Variants in ATF7IP observed in about 807,000 individuals in gnomAD.
ATF7IP encodes activating transcription factor 7 interacting protein.
Under a neutral mutation model 106.4 loss-of-function variants are expected in ATF7IP, and 23 were observed. The ratio of observed to expected loss-of-function variants is 0.22; its 90% CI spans 0.16 to 0.31. The LOEUF (loss-of-function observed/expected upper bound fraction) is 0.31. ATF7IP is among the 10% of genes least tolerant of loss of function. The probability of loss-of-function intolerance (pLI) is 1.00; values close to 1 mark genes in which losing one functional copy is unlikely to be tolerated. For synonymous variants in ATF7IP, 542 were observed against 539.0 expected (o/e 1.01, Z -0.08); for missense variants, 1,334 against 1,524.3 (o/e 0.88, Z 2.08).
chr12:14,485,013 G>A (rs576583359), intron 13 of ATF7IP, among the ~76,000 whole-genome samples: 1 of 152,178 alleles, frequency 6.6e-6, no homozygotes, highest in African/African-American at 2.4e-5. Flanking sequence ...GCAAAAGATG[G>A]CAGGGCCTTG....
intron 3 of ATF7IP, 51 bp from the exon 4 acceptor site, chr12:14,436,055 A>AG: frequency 1.9e-6 from 3 of 1,578,270 alleles, no homozygotes; most frequent in Non-Finnish European, 8.6e-7. Context: ...ATATGCATTA[A>AG]GAGCTATAAG....
intron 1 of ATF7IP, among the ~76,000 whole-genome samples, chr12:14,419,790 T>C (rs1228973189): frequency 6.6e-6 from 1 of 152,182 alleles, no homozygotes; most frequent in Non-Finnish European, 1.5e-5. Flanking sequence ...TTTGTATTAT[T>C]ATATATACAT....
chr12:14,446,422 A>C lies in ATF7IP; in HGVS notation c.1930-566A>C, dbSNP rs572828678. On this transcript the variant is annotated intron_variant, in intron 5 of 14. Coordinates refer to ENST00000261168, the MANE Select transcript of ATF7IP (RefSeq NM_018179.5). Reference sequence around the variant, plus strand: ...CTCGGCCTCCTAAAGTGCTGGAATTACAGGTGTGAGCCACCATGCCTAGCC... The same window carrying C: ...CTCGGCCTCCTAAAGTGCTGGAATTCCAGGTGTGAGCCACCATGCCTAGCC... 2.6e-5 allele frequency among the ~76,000 whole-genome samples: 4 copies of C among 152,362 alleles called. No homozygotes were observed. In the East Asian group the frequency reaches 7.7e-4, roughly 29 times the overall value.
intron 10 of ATF7IP, among the ~76,000 whole-genome samples, chr12:14,474,798 A>G (rs939564016): frequency 6.6e-6 from 1 of 152,104 alleles, no homozygotes; most frequent in South Asian, 2.1e-4. Flanking sequence ...TTTTCGTCCT[A>G]AGTTAGTTCC....
chr12:14,370,446 A>G (rs1938486538), intron 1 of ATF7IP, among the ~76,000 whole-genome samples: 1 of 152,178 alleles, frequency 6.6e-6, no homozygotes. Flanking sequence ...ATACCCACTC[A>G]CAATTCTATT....
intron 14 of ATF7IP, among the ~76,000 whole-genome samples, chr12:14,497,405 C>T (rs1945044288): frequency 6.6e-6 from 1 of 151,978 alleles, no homozygotes; most frequent in Admixed American, 6.6e-5. Flanking sequence ...TTTTTATTTC[C>T]TAAGAAAAAC....
At chr12:14,415,062 C>T (rs1941132462) in intron 1 of ATF7IP, among the ~76,000 whole-genome samples, 1 of 152,152 alleles carries the variant, frequency 6.6e-6, no homozygotes, top group African/African-American at 2.4e-5. Flanking sequence ...TGCCACTGCG[C>T]CCAGCTCTGG....
chr12:14,434,291 T>C (rs1298057187), intron 2 of ATF7IP, 46 bp from the exon 3 acceptor site: 13 of 1,152,742 alleles, frequency 1.1e-5, no homozygotes, highest in Non-Finnish European at 1.5e-5. Context: ...TGAGCTGTTA[T>C]GAATTCTAGT....
intron 1 of ATF7IP, among the ~76,000 whole-genome samples, chr12:14,390,065 G>T (rs1335892315): frequency 6.6e-6 from 1 of 152,178 alleles, no homozygotes; most frequent in Non-Finnish European, 1.5e-5. Context: ...TTCAGATAGG[G>T]CCTTCTCTTG....
intron 10 of ATF7IP, among the ~76,000 whole-genome samples, chr12:14,467,602 G>A (rs1943881720): frequency 6.6e-6 from 1 of 151,878 alleles, no homozygotes; most frequent in African/African-American, 2.4e-5. Context: ...TGATACTTAA[G>A]TGACATTTAT....
At chr12:14,409,534 C>A (rs962126264) in intron 1 of ATF7IP, among the ~76,000 whole-genome samples, 1 of 152,108 alleles carries the variant, frequency 6.6e-6, no homozygotes, top group Non-Finnish European at 1.5e-5. Context: ...CTGTGTCATG[C>A]TTAGTACTGC....
In ATF7IP at chr12:14,434,439, C is replaced by T; in HGVS notation, c.1645+16C>T. 7.9e-7 allele frequency: 1 copy of T among 1,260,192 alleles called. No individual in the cohort carries two copies. The highest frequency in any genetic ancestry group is 1.2e-6 in the Non-Finnish European group (1 of 868,100). The allele number at this position is 1,260,192 out of a possible 1,614,324, so 78.1% of individuals were successfully genotyped here. On this transcript the variant is annotated intron_variant, in intron 3 of 14. Coordinates refer to ENST00000261168, the MANE Select transcript of ATF7IP (RefSeq NM_018179.5). Reference sequence around the variant, plus strand: ...TCTGAGAAAAGTATGCATGTATAAACAAACTTGAACTGGATTGAAAAATAA... The same window carrying T: ...TCTGAGAAAAGTATGCATGTATAAATAAACTTGAACTGGATTGAAAAATAA...
At chr12:14,482,286 T>A (rs1944456319) in intron 13 of ATF7IP, 1 of 153,166 alleles carries the variant, frequency 6.5e-6, no homozygotes, top group African/African-American at 2.4e-5. Context: ...AGGACAGAAC[T>A]AACAGGATAA....
intron 11 of ATF7IP, among the ~76,000 whole-genome samples, chr12:14,477,349 TATG>T (rs1357640343): frequency 6.6e-6 from 1 of 152,236 alleles, no homozygotes; most frequent in Non-Finnish European, 1.5e-5. Flanking sequence ...CTCAAGCCAG[TATG>T]ATTATTCTTT....
intron 1 of ATF7IP, among the ~76,000 whole-genome samples, chr12:14,377,658 C>G (rs188136465): frequency 2.0e-5 from 3 of 151,434 alleles, no homozygotes. Context: ...CTGTCACCCA[C>G]GTTGGAGTGC....
intron 1 of ATF7IP, among the ~76,000 whole-genome samples, chr12:14,393,001 A>G (rs1210352325): frequency 6.6e-6 from 1 of 152,216 alleles, no homozygotes; most frequent in Non-Finnish European, 1.5e-5. Context: ...AGCTAGATCA[A>G]CAGTTGCCAT....
intron 1 of ATF7IP, among the ~76,000 whole-genome samples, chr12:14,372,831 G>C (rs1938584869): frequency 1.3e-5 from 2 of 152,062 alleles, no homozygotes; most frequent in African/African-American, 4.8e-5. Context: ...TTGATACCTA[G>C]AAATTATGTG....
chr12:14,379,692 A>G (rs937887526), intron 1 of ATF7IP, among the ~76,000 whole-genome samples: 2 of 152,198 alleles, frequency 1.3e-5, no homozygotes, highest in East Asian at 1.9e-4. Flanking sequence ...TTGGCTGGGT[A>G]TAGAACTCTA....
At chr12:14,441,959 C>T (rs185058304) in intron 5 of ATF7IP, among the ~76,000 whole-genome samples, 1 of 152,306 alleles carries the variant, frequency 6.6e-6, no homozygotes, top group Non-Finnish European at 1.5e-5. Flanking sequence ...ATAGTTTGGT[C>T]ATGATTTATT....
Sources: allele counts gnomAD v4.1 joint callset (sites outside exome capture counted in the v4.1 genomes callset), GRCh38; gene constraint gnomAD v4.1.1; transcripts MANE v1.5; gene names NCBI Gene and HGNC (gene_info 2026-07-23, HGNC 2026-07-21).